The following FER variants were observed in gnomAD, a reference collection of about 807,000 sequenced individuals.
FER encodes FER tyrosine kinase.
In FER, 63 loss-of-function variants were observed where a neutral mutation model predicts 111.0. The observed-to-expected ratio is 0.57, with a 90% CI of 0.46 to 0.70. The LOEUF is 0.70. Among genes scored for constraint, FER ranks in the 30% least tolerant of loss-of-function variants. The pLI, the probability that FER is intolerant of heterozygous loss-of-function variation, is 0.00. For missense variants in FER, 914 were observed against 954.0 expected, an observed-to-expected ratio of 0.96 and a Z score of 0.55; for synonymous variants, 327 against 313.9, an observed-to-expected ratio of 1.04 and a Z score of -0.44.
intron 16 of FER, chr5:109,051,325 T>A: frequency 1.9e-6 from 3 of 1,592,860 alleles, no homozygotes; most frequent in Non-Finnish European, 2.6e-6. Context: ...GATCTCCAGG[T>A]CATCAGGCTG....
chr5:108,909,068 A>G (rs1486851968), intron 10 of FER, among the ~76,000 whole-genome samples: 2 of 152,174 alleles, frequency 1.3e-5, no homozygotes, highest in African/African-American at 2.4e-5. Context: ...AAGATGTTCT[A>G]TCTGGCGGCT....
intron 17 of FER, among the ~76,000 whole-genome samples, chr5:109,175,531 G>T (rs1757582906): frequency 6.6e-6 from 1 of 152,134 alleles, no homozygotes; most frequent in Non-Finnish European, 1.5e-5. Flanking sequence ...TCAGGACATT[G>T]GTCTAGGCAA....
At position 109,150,722 on chromosome 5, in the gene FER, C is replaced by A. The variant is rs80290487; in HGVS notation, c.2049-30025C>A. 2.1e-3 allele frequency among the ~76,000 whole-genome samples: 327 copies of A among 152,260 alleles called. 9 individuals carry two copies. In the East Asian group the frequency reaches 0.043, roughly 20 times the overall value. ...GTTTATGTTTCTCCCCTGTGATTAA[C>A]ATTCTCCTTGCATAGAAATTTACTG... On this transcript the variant is annotated intron_variant, in intron 17 of 19. Coordinates refer to ENST00000281092, the MANE Select transcript of FER (RefSeq NM_005246.4).
intron 13 of FER, among the ~76,000 whole-genome samples, chr5:108,969,805 T>C (rs1760391840): frequency 6.7e-6 from 1 of 148,186 alleles, no homozygotes; most frequent in South Asian, 2.1e-4. Flanking sequence ...CATTATGGTA[T>C]TTATCTGATT....
chr5:108,923,308 A>G (rs1753279137), intron 10 of FER, among the ~76,000 whole-genome samples: 1 of 152,102 alleles, frequency 6.6e-6, no homozygotes, highest in Non-Finnish European at 1.5e-5. Flanking sequence ...CAAAAAAGAA[A>G]ACTAGAGGAA....
At chr5:108,814,087 A>T (rs535989653) in intron 3 of FER, among the ~76,000 whole-genome samples, 1 of 143,060 alleles carries the variant, frequency 7.0e-6, no homozygotes, top group Non-Finnish European at 1.6e-5. Context: ...TATGGAATAT[A>T]GTCCTTTTTT....
intron 13 of FER, among the ~76,000 whole-genome samples, chr5:109,032,953 T>A (rs940909051): frequency 6.6e-6 from 1 of 152,178 alleles, no homozygotes; most frequent in African/African-American, 2.4e-5. Flanking sequence ...AGCTTCAAGA[T>A]CAGGGAAATT....
chr5:109,138,594 G>A (rs1267827549), intron 17 of FER, among the ~76,000 whole-genome samples: 1 of 149,322 alleles, frequency 6.7e-6, no homozygotes, highest in Non-Finnish European at 1.5e-5. Flanking sequence ...ACCCCTTCTG[G>A]GTTATTTTTG....
intron 10 of FER, among the ~76,000 whole-genome samples, chr5:108,900,000 T>C (rs1255729730): frequency 1.3e-5 from 2 of 152,196 alleles, no homozygotes; most frequent in Non-Finnish European, 2.9e-5. Flanking sequence ...TAATATATTT[T>C]TACAAGATGG....
chr5:109,094,401 A>G (rs900950527), intron 16 of FER, among the ~76,000 whole-genome samples: 1 of 152,148 alleles, frequency 6.6e-6, no homozygotes, highest in Non-Finnish European at 1.5e-5. Flanking sequence ...GGCCAACATG[A>G]TACTCAAAGG....
intron 16 of FER, among the ~76,000 whole-genome samples, chr5:109,087,600 C>A (rs1777705063): frequency 6.6e-6 from 1 of 150,472 alleles, no homozygotes; most frequent in African/African-American, 2.4e-5. Context: ...TTTTTAATCT[C>A]TGAACATATT....
chr5:108,972,455 T>C (rs1184573521), intron 13 of FER, among the ~76,000 whole-genome samples: 3 of 152,206 alleles, frequency 2.0e-5, no homozygotes, highest in Non-Finnish European at 4.4e-5. Flanking sequence ...TAGTCTCCTT[T>C]AGTTGACATA....
rs1308750504 is a variant in FER, at chr5:108,959,321, GT to G, written c.1631del (p.Val544GlufsTer4). ...ACAGGTCATCACTAAGAAATCAGGTGTAGTTCTGCTGAATCCTATTCCTAAG... is the reference window on the plus strand; with the variant it reads ...ACAGGTCATCACTAAGAAATCAGGTGAGTTCTGCTGAATCCTATTCCTAAG... Reference protein sequence around the residue: ...TKQVITKKSGVVLLNPIPKDK... With the variant: ...TKQVITKKSGXVLLNPIPKDK... On this transcript the variant is annotated frameshift_variant, in exon 13 of 20. Transcript: ENST00000281092. LOFTEE classifies it high-confidence loss of function. 6.2e-7 allele frequency: 1 copy of G among 1,611,580 alleles called. No individual in the cohort carries two copies. Among genetic ancestry groups the G allele is most frequent in the Admixed American group, 1.7e-5 (1 of 59,834 alleles).
chr5:108,929,826 C>T (rs968677205), intron 10 of FER, among the ~76,000 whole-genome samples: 1 of 152,112 alleles, frequency 6.6e-6, no homozygotes, highest in Admixed American at 6.5e-5. Context: ...AGCAGAGTCT[C>T]GTAGCCTTGA....
In FER at chr5:109,130,930, TCTAA is replaced by T. The variant is rs1166553427; in HGVS notation, c.2048+30414_2048+30417del. Among the ~76,000 whole-genome samples, 7 of 152,318 alleles carry T rather than the reference TCTAA, an allele frequency of 4.6e-5. No individual in the cohort carries two copies. The East Asian group carries it at 1.2e-3, about 25-fold the overall frequency. ...TCCCCAAACAAGTTTATTTGCAGTTTCTAACTGTGATATCACTTGCTGTTTTATA... is the reference window on the plus strand; with the variant it reads ...TCCCCAAACAAGTTTATTTGCAGTTTCTGTGATATCACTTGCTGTTTTATA... On this transcript the variant is annotated intron_variant, in intron 17 of 19. Coordinates refer to ENST00000281092, the MANE Select transcript of FER (RefSeq NM_005246.4).
intron 11 of FER, among the ~76,000 whole-genome samples, chr5:108,951,265 AAAAAAT>A (rs1176293683): frequency 9.2e-5 from 14 of 152,182 alleles, no homozygotes; most frequent in South Asian, 8.3e-4. Context: ...CTCCATCTCA[AAAAAAT>A]AAAAATAAAA....
At chr5:109,147,930 C>T (rs545689443) in intron 17 of FER, among the ~76,000 whole-genome samples, 28 of 151,640 alleles carry the variant, frequency 1.8e-4, no homozygotes, top group African/African-American at 5.8e-4. Context: ...CAATCACTTT[C>T]GTAACTAGAG....
chr5:108,966,005 C>T (rs773249183), intron 13 of FER, among the ~76,000 whole-genome samples: 13 of 152,138 alleles, frequency 8.5e-5, no homozygotes, highest in Non-Finnish European at 1.6e-4. Flanking sequence ...ATTTTTAAAA[C>T]TCTCATCCTC....
intron 10 of FER, 116 bp from the exon 11 acceptor site, chr5:108,946,014 T>A (rs1756935350): frequency 1.6e-6 from 1 of 632,492 alleles, no homozygotes; most frequent in African/African-American, 1.8e-5. Context: ...GAAGTTTATA[T>A]TTTATTTAGT....
Sources: gnomAD v4.1 joint callset for allele counts (sites outside exome capture counted in the v4.1 genomes callset) on GRCh38, gnomAD v4.1.1 for gene constraint, MANE v1.5 for transcripts, NCBI Gene and HGNC (gene_info 2026-07-23, HGNC 2026-07-21) for gene names.